Variants in PLEKHA4 observed in about 807,000 individuals in gnomAD.
PLEKHA4 encodes pleckstrin homology domain-containing family A member 4.
A neutral mutation model predicts 94.7 loss-of-function variants in PLEKHA4; 73 were observed. That is an observed-to-expected ratio of 0.77 (90% CI 0.64 to 0.94). The LOEUF (loss-of-function observed/expected upper bound fraction) is 0.94. Ranked by LOEUF, PLEKHA4 falls within the 40% of genes least tolerant of loss-of-function variation. The pLI, the probability that PLEKHA4 is intolerant of heterozygous loss-of-function variation, is 0.00. For missense variants in PLEKHA4, 1,049 were observed against 1,054.1 expected, an observed-to-expected ratio of 1.00 and a Z score of 0.07; for synonymous variants, 449 against 437.1, an observed-to-expected ratio of 1.03 and a Z score of -0.34.
chr19:48,861,754 A>C (rs1161087105), intron 3 of PLEKHA4, 62 bp from the exon 4 acceptor site: 1 of 1,422,474 alleles, frequency 7.0e-7, no homozygotes, highest in Admixed American at 1.8e-5. Context: ...GGATGAAGGC[A>C]GTGACGATGG....
intron 16 of PLEKHA4, 76 bp from the exon 17 acceptor site, chr19:48,841,386 G>A (rs1244033384): frequency 1.4e-6 from 2 of 1,456,284 alleles, no homozygotes; most frequent in Non-Finnish European, 1.8e-6. Flanking sequence ...AGCACTTTTG[G>A]GAGGCTGAGT....
Position 48,852,219 on chromosome 19 carries a change from G to A in PLEKHA4, c.1425+9C>T, listed in dbSNP as rs1332418327. 6.2e-7 allele frequency: 1 copy of A among 1,611,416 alleles called. No homozygotes were observed. The highest frequency in any genetic ancestry group is 8.5e-7 in the Non-Finnish European group (1 of 1,177,566). On this transcript the variant is annotated intron_variant, in intron 13 of 19. Coordinates refer to ENST00000263265, the MANE Select transcript of PLEKHA4 (RefSeq NM_020904.3). ...GGGTGGGTCTTGGGGTCTCCAAGCA[G>A]CGATTTACCTGGGGAGAACCAAGGT... is the stretch of plus-strand genomic sequence containing the variant.
intron 16 of PLEKHA4, 129 bp from the exon 17 acceptor site, chr19:48,841,439 C>A: frequency 2.0e-6 from 2 of 994,258 alleles, no homozygotes; most frequent in East Asian, 2.9e-5. Context: ...CCAGCCTGGC[C>A]AACTTGGCGA....
rs1408675506 is a variant in PLEKHA4 at position 48,860,779 on chromosome 19, A to AGGAAAGAG, written c.367-328_367-321dup. 6.6e-5 allele frequency among the ~76,000 whole-genome samples: 10 copies of AGGAAAGAG among 151,400 alleles called. 1 individual carries two copies. In the East Asian group the frequency reaches 1.9e-3, roughly 29 times the overall value. On this transcript the variant is annotated intron_variant, in intron 5 of 19. Coordinates refer to ENST00000263265, the MANE Select transcript of PLEKHA4 (RefSeq NM_020904.3). ...ACAGAGCAAGACCGTCAAGAAAGAA[A>AGGAAAGAG]GGAAAGAGGGAAAGAGGGAAGGGAA...
Position 48,859,629 on chromosome 19 carries a change from C to A in PLEKHA4, c.532G>T (p.Gly178Cys). 2 of 1,612,476 alleles carry A rather than the reference C, an allele frequency of 1.2e-6. No homozygotes were observed. The highest frequency in any genetic ancestry group is 4.5e-5 in the East Asian group (2 of 44,878). The part of the protein sequence containing the change: ...PQPGEGPGGP[G>C]GPPEVSRGEE... The stretch of plus-strand genomic sequence containing the variant: ...CCTCTGCTCACCTCCGGGGGACCAC[C>A]GGGGCCGCCGGGGCCCTCCCCGGGC... Residue 178 changes from glycine to cysteine, a missense_variant, in exon 7 of 20, where the codon GGT becomes TGT. Gly to Cys is a radical substitution (Grantham distance 159, BLOSUM62 -3). Transcript: ENST00000263265.
chr19:48,866,371 A>T (rs1020339786), intron 2 of PLEKHA4, among the ~76,000 whole-genome samples: 1 of 151,868 alleles, frequency 6.6e-6, no homozygotes, highest in African/African-American at 2.4e-5. Flanking sequence ...CACTGGCACC[A>T]TCTTGGCTCA....
intron 7 of PLEKHA4, 119 bp downstream of exon 7, chr19:48,859,350 C>G (rs2036549119): frequency 1.8e-6 from 2 of 1,128,124 alleles, no homozygotes; most frequent in African/African-American, 1.6e-5. Flanking sequence ...CTGTGACCCC[C>G]ACGGGAGCCC....
intron 14 of PLEKHA4, among the ~76,000 whole-genome samples, chr19:48,847,498 G>A (rs931326588): frequency 6.6e-5 from 10 of 152,156 alleles, no homozygotes; most frequent in African/African-American, 1.9e-4. Context: ...TTGGGAGGCC[G>A]AGGCAGGCGG....
At chr19:48,848,898 G>C (rs768463991) in intron 13 of PLEKHA4, among the ~76,000 whole-genome samples, 49 of 152,126 alleles carry the variant, frequency 3.2e-4, no homozygotes, top group Admixed American at 7.2e-4. Flanking sequence ...ATGAGAGTCT[G>C]TTCTTTTTGT....
chr19:48,857,455 C>T lies in PLEKHA4; in HGVS notation c.1014G>A (p.Arg338=). ...CCATGGAGGCCCGGGTCCCAGGGGG[C>T]CGCGGGGGGAGCTGGAGATAAGTGG... ...GSPTYLQLPP[R]PPGTRASMVL... The change falls in exon 9 of 20, where the codon CGG becomes CGA. Residue 338 remains arginine, a synonymous_variant. Coordinates refer to ENST00000263265, the MANE Select transcript of PLEKHA4 (RefSeq NM_020904.3). 6.4e-7 allele frequency: 1 copy of T among 1,562,234 alleles called. No individual in the cohort carries two copies.
At chr19:48,857,734 A>G (rs902376881) in intron 8 of PLEKHA4, among the ~76,000 whole-genome samples, 10 of 151,004 alleles carry the variant, frequency 6.6e-5, no homozygotes, top group Non-Finnish European at 1.2e-4. Flanking sequence ...GTTAAGAGTC[A>G]TCACCACTCC....
At chr19:48,851,442 C>A (rs182632640) in intron 13 of PLEKHA4, among the ~76,000 whole-genome samples, 1 of 149,626 alleles carries the variant, frequency 6.7e-6, no homozygotes, top group East Asian at 2.0e-4. Flanking sequence ...CATAGAGAAA[C>A]CCCGTCTCTA....
intron 6 of PLEKHA4, 35 bp from the exon 7 acceptor site, chr19:48,859,719 C>G (rs1326393142): frequency 6.3e-7 from 1 of 1,576,508 alleles, no homozygotes; most frequent in Non-Finnish European, 8.7e-7. Flanking sequence ...ATCACTCCTT[C>G]GAACTTCATA....
At chr19:48,860,874 A>AAAAGG (rs780211179) in intron 5 of PLEKHA4, among the ~76,000 whole-genome samples, 2 of 149,178 alleles carry the variant, frequency 1.3e-5, no homozygotes, top group Admixed American at 6.7e-5. Flanking sequence ...AAGGAAAGGA[A>AAAAGG]AAAGGAAAGG....
chr19:48,838,666 C>T (rs1266719016), intron 18 of PLEKHA4, among the ~76,000 whole-genome samples: 3 of 149,320 alleles, frequency 2.0e-5, no homozygotes, highest in African/African-American at 7.4e-5. Flanking sequence ...ACTAGGGAGG[C>T]TGAGGAAGGA....
intron 3 of PLEKHA4, among the ~76,000 whole-genome samples, chr19:48,864,840 G>A (rs967967261): frequency 1.3e-5 from 2 of 152,132 alleles, no homozygotes; most frequent in Non-Finnish European, 2.9e-5. Flanking sequence ...CAAAATGCTG[G>A]GGTTACACCA....
intron 3 of PLEKHA4, among the ~76,000 whole-genome samples, chr19:48,863,471 C>G (rs2036722083): frequency 6.7e-6 from 1 of 149,758 alleles, no homozygotes; most frequent in African/African-American, 2.5e-5. Context: ...CGCTCTGTCA[C>G]CCAGGCTGGA....
In PLEKHA4 at chr19:48,861,858, G is replaced by A. The variant is rs188128515; in HGVS notation, c.193-166C>T. Among the ~76,000 whole-genome samples the A allele has an allele frequency of 4.6e-5, 7 of 152,238 alleles. 1 individual carries two copies. Among genetic ancestry groups the A allele is most frequent in the Admixed American group, 3.3e-4 (5 of 15,290 alleles). On this transcript the variant is annotated intron_variant, in intron 3 of 19. Transcript: ENST00000263265. ...GAGTGGGGTGAGGCCGAGCACAATGGCTCACGCCTGTAATCCCAGCACTTA... is the reference window on the plus strand; with the variant it reads ...GAGTGGGGTGAGGCCGAGCACAATGACTCACGCCTGTAATCCCAGCACTTA...
At chr19:48,863,075 A>G (rs1401749976) in intron 3 of PLEKHA4, among the ~76,000 whole-genome samples, 2 of 150,728 alleles carry the variant, frequency 1.3e-5, no homozygotes, top group Non-Finnish European at 2.9e-5. Context: ...TGCCTGAACT[A>G]CTCCACTAAC....
Sources: allele counts gnomAD v4.1 joint callset (sites outside exome capture counted in the v4.1 genomes callset), GRCh38; gene constraint gnomAD v4.1.1; transcripts MANE v1.5; gene names NCBI Gene and HGNC (gene_info 2026-07-23, HGNC 2026-07-21).